CELSR3: variants seen among roughly 807,000 people sequenced by gnomAD.
The protein encoded by CELSR3 is cadherin EGF LAG seven-pass G-type receptor 3, also known as EGF-like protein 1.
In CELSR3, 73 loss-of-function variants were observed where a neutral mutation model predicts 270.0. The observed-to-expected ratio is 0.27, with a 90% CI of 0.22 to 0.33. The LOEUF is 0.33. CELSR3 is among the 10% of genes least tolerant of loss of function. CELSR3 has a pLI of 1.00. For synonymous variants in CELSR3, 1,780 were observed against 1,905.4 expected, an observed-to-expected ratio of 0.93 and a Z score of 1.71; for missense variants, 3,614 against 4,533.8, an observed-to-expected ratio of 0.80 and a Z score of 5.83.
rs937618050 is a variant in CELSR3 at position 48,659,893 on chromosome 3, T to C, written c.2742A>G (p.Thr914=). The change falls in exon 1 of 35, where the codon ACA becomes ACG. Residue 914 remains threonine, a synonymous_variant. Transcript: ENST00000164024. This position sits in a 1 kb window ranked among gnomAD's most constrained non-coding sequence, Gnocchi z 8.1. ...CCTCATAGTCTAATGGGGCCTGTAA[T>C]GTAATGGCTCCTGAGTCTGCATCAA... is the stretch of plus-strand genomic sequence containing the variant. ...FRIDADSGAI[T]LQAPLDYEDQ... 1 of 1,614,138 alleles carries C rather than the reference T, an allele frequency of 6.2e-7. No homozygotes were observed. Among genetic ancestry groups the C allele is most frequent in the Non-Finnish European group, 8.5e-7 (1 of 1,180,026 alleles).
Position 48,646,745 on chromosome 3 carries a change from G to A in CELSR3, c.7295+18C>T, listed in dbSNP as rs374109000. ...CTGAGAAGTTCGTAGGAAGCTCAGG[G>A]GTGAGGGGCCTGAGTACCTGGCACC... On this transcript the variant is annotated intron_variant, in intron 21 of 34. Coordinates refer to ENST00000164024, the MANE Select transcript of CELSR3 (RefSeq NM_001407.3). The surrounding 1 kb of genome is among the most constrained non-coding windows in gnomAD (Gnocchi z 4.8). 10 of 1,605,212 alleles carry A rather than the reference G, an allele frequency of 6.2e-6. No individual in the cohort carries two copies. Among genetic ancestry groups the A allele is most frequent in the Non-Finnish European group, 7.6e-6 (9 of 1,177,082 alleles).
Position 48,637,977 on chromosome 3 carries a change from G to A in CELSR3, c.*228C>T. 4.2e-6 allele frequency: 2 copies of A among 479,662 alleles called. No homozygotes were observed. Among genetic ancestry groups the A allele is most frequent in the South Asian group, 3.7e-5 (1 of 26,786 alleles). The allele number at this position is 479,662 out of a possible 1,614,324, so 29.7% of individuals were successfully genotyped here. A position where few individuals can be genotyped will look rare whatever the true frequency, so the allele number is the denominator to read the frequency against. ...ACATAAGCATCTCTCTGGTTACAAA[G>A]GTACAAAACGTATAAAAGTCTCCCT... On this transcript the variant is annotated 3_prime_UTR_variant, in exon 35 of 35. Coordinates refer to ENST00000164024, the MANE Select transcript of CELSR3 (RefSeq NM_001407.3).
At position 48,659,881 on chromosome 3, in the gene CELSR3, T is replaced by G; in HGVS notation, c.2754A>C (p.Pro918=). The change falls in exon 1 of 35, where the codon CCA becomes CCC. Residue 918 remains proline (P), a synonymous_variant. Transcript: ENST00000164024. This position sits in a 1 kb window ranked among gnomAD's most constrained non-coding sequence, Gnocchi z 8.1. ...AGGTCACCTGGTCCTCATAGTCTAA[T>G]GGGGCCTGTAATGTAATGGCTCCTG... is the stretch of plus-strand genomic sequence containing the variant. ...ADSGAITLQA[P]LDYEDQVTYT... 1.2e-6 allele frequency: 2 copies of G among 1,614,034 alleles called. No homozygotes were observed. The highest frequency in any genetic ancestry group is 1.7e-6 in the Non-Finnish European group (2 of 1,179,964).
rs772069878 is a variant in CELSR3, at chr3:48,639,999, T to C, written c.9586A>G (p.Arg3196Gly). Residue 3196 changes from arginine to glycine, a missense_variant, in exon 34 of 35, where the codon AGG becomes GGG. By Grantham distance (125) the Arg-to-Gly change is moderately radical. Coordinates refer to ENST00000164024, the MANE Select transcript of CELSR3 (RefSeq NM_001407.3). This position sits in a 1 kb window ranked among gnomAD's most constrained non-coding sequence, Gnocchi z 4.1. ...AGCTGCTCCCGAGAGTTCGAGCTCCTAGACAGAGAGTCCAGCGGCCGGGAT... is the reference window on the plus strand; with the variant it reads ...AGCTGCTCCCGAGAGTTCGAGCTCCCAGACAGAGAGTCCAGCGGCCGGGAT... Reference protein sequence around the residue: ...LPSRPLDSLSRSSNSREQLDQ... With the variant: ...LPSRPLDSLSGSSNSREQLDQ... 1.2e-6 allele frequency: 2 copies of C among 1,612,502 alleles called. No individual in the cohort carries two copies. Among genetic ancestry groups the C allele is most frequent in the Admixed American group, 3.3e-5 (2 of 59,996 alleles).
chr3:48,660,123 G>C lies in CELSR3; in HGVS notation c.2512C>G (p.Leu838Val). The C allele has an allele frequency of 6.2e-7, 1 of 1,614,164 alleles. No individual in the cohort carries two copies. Among genetic ancestry groups the C allele is most frequent in the Non-Finnish European group, 8.5e-7 (1 of 1,180,034 alleles). Residue 838 changes from leucine to valine, a missense_variant, in exon 1 of 35, where the codon CTT becomes GTT. Physicochemically the swap from Leu to Val is conservative, Grantham distance 32. This residue lies in a region of CELSR3 where 215 missense variants were observed against 241.2 expected (regional missense o/e 0.89). Coordinates refer to ENST00000164024, the MANE Select transcript of CELSR3 (RefSeq NM_001407.3). The surrounding 1 kb of genome is among the most constrained non-coding windows in gnomAD (Gnocchi z 5.5). ...ATGTGCACATAGCAGTGATCATGAAGGGCACGGTCAGATGCAGTTAGTACC... is the reference window on the plus strand; with the variant it reads ...ATGTGCACATAGCAGTGATCATGAACGGCACGGTCAGATGCAGTTAGTACC... ...KLVLTASDRA[L>V]HDHCYVHINI...
At position 48,656,127 on chromosome 3, in the gene CELSR3, G is replaced by A. The variant is rs1302120899; in HGVS notation, c.4625+13C>T. ...GCGGCGGGGAGGCGCTCAGACACGG[G>A]GCGGGCACCTACGAGAGGGACAGCG... On this transcript the variant is annotated intron_variant, in intron 3 of 34. Transcript: ENST00000164024. The A allele has an allele frequency of 6.5e-7, 1 of 1,533,832 alleles. No individual in the cohort carries two copies. Among genetic ancestry groups the A allele is most frequent in the African/African-American group, 1.4e-5 (1 of 72,978 alleles).
At chr3:48,643,157 C>T in intron 28 of CELSR3, 74 bp from the exon 29 acceptor site, 1 of 979,734 alleles carries the variant, frequency 1.0e-6, no homozygotes, top group Non-Finnish European at 1.6e-6. Flanking sequence ...TGTGGGTCAG[C>T]AATGGGGTCA....
intron 16 of CELSR3, 113 bp from the exon 17 acceptor site, chr3:48,649,328 T>C (rs781703718): frequency 8.0e-5 from 71 of 889,906 alleles, no homozygotes; most frequent in Admixed American, 1.1e-4. Flanking sequence ...GTCAGAGTCA[T>C]GAGCATCTAT....
rs1291161670 is a variant in CELSR3 at position 48,654,873 on chromosome 3, T to C, written c.4988+171A>G. Among the ~76,000 whole-genome samples, 1 of 149,014 alleles carries C rather than the reference T, an allele frequency of 6.7e-6. No homozygotes were observed. Among genetic ancestry groups the C allele is most frequent in the Non-Finnish European group, 1.5e-5 (1 of 67,210 alleles). On this transcript the variant is annotated intron_variant, in intron 6 of 34. Coordinates refer to ENST00000164024, the MANE Select transcript of CELSR3 (RefSeq NM_001407.3). This position sits in a 1 kb window ranked among gnomAD's most constrained non-coding sequence, Gnocchi z 5.4. ...AGGGAGTATGGGGTGGAATACAGGA[T>C]TGGGGGCTAGGGTGAGTAGGCTTTC...
At position 48,660,799 on chromosome 3, in the gene CELSR3, T is replaced by C. The variant is rs372195586; in HGVS notation, c.1836A>G (p.Ala612=). 2.4e-4 allele frequency: 387 copies of C among 1,614,134 alleles called. No homozygotes were observed. Among genetic ancestry groups the C allele is most frequent in the African/African-American group, 4.5e-4 (34 of 75,066 alleles). The change falls in exon 1 of 35, where the codon GCA becomes GCG. Residue 612 remains alanine (A), a synonymous_variant. Transcript: ENST00000164024. The surrounding 1 kb of genome is among the most constrained non-coding windows in gnomAD (Gnocchi z 5.5). ...TGATGCGCAAGGCATACTCTCTCTC[T>C]GCCTCGAAGTCCAGAGGTGCCACCA... ...IQVVAPLDFE[A]EREYALRIRA...
In CELSR3 at chr3:48,660,939, G is replaced by T; in HGVS notation, c.1696C>A (p.Arg566Ser). The change falls in exon 1 of 35, where the codon CGC (arginine) becomes AGC (serine). Residue 566 changes from arginine (R) to serine (S), a missense_variant. Coordinates refer to ENST00000164024, the MANE Select transcript of CELSR3 (RefSeq NM_001407.3). This position sits in a 1 kb window ranked among gnomAD's most constrained non-coding sequence, Gnocchi z 5.5. ...EDVRPHTVVL[R>S]VTATDRDKDA... is the part of the protein sequence containing the mutation. Reference sequence around the variant, plus strand: ...TTGTCCCGGTCAGTGGCCGTGACGCGCAGCACGACTGTGTGGGGGCGCACA... The same window carrying T: ...TTGTCCCGGTCAGTGGCCGTGACGCTCAGCACGACTGTGTGGGGGCGCACA... The T allele has an allele frequency of 6.2e-7, 1 of 1,613,916 alleles. No homozygotes were observed. Among genetic ancestry groups the T allele is most frequent in the Non-Finnish European group, 8.5e-7 (1 of 1,180,030 alleles).
rs1575542603 is a variant in CELSR3 at position 48,650,785 on chromosome 3, C to G, written c.6370+107G>C. 7.6e-7 allele frequency: 1 copy of G among 1,312,136 alleles called. No individual in the cohort carries two copies. 81.3% of individuals were successfully genotyped at this position (1,312,136 alleles called of 1,614,324 possible). A position where few individuals can be genotyped will look rare whatever the true frequency, so the allele number is the denominator to read the frequency against. On this transcript the variant is annotated intron_variant, in intron 15 of 34. Transcript: ENST00000164024. This position sits in a 1 kb window ranked among gnomAD's most constrained non-coding sequence, Gnocchi z 5.1. Reference sequence around the variant, plus strand: ...TTCCCTGGGTGTAAGTGGTCTCCCTCAGGAGAAGCTTCCAGAGTCCCCAAG... The same window carrying G: ...TTCCCTGGGTGTAAGTGGTCTCCCTGAGGAGAAGCTTCCAGAGTCCCCAAG...
In CELSR3 at chr3:48,647,902, G is replaced by A. The variant is rs1197020515; in HGVS notation, c.7068C>T (p.Ala2356=). The change falls in exon 20 of 35, where the codon GCC becomes GCT. Residue 2356 remains alanine, a synonymous_variant. Coordinates refer to ENST00000164024, the MANE Select transcript of CELSR3 (RefSeq NM_001407.3). ...YHSNLFRGQD[A]WDPHTHVLLP... ...GCAGCACATGGGTGTGAGGATCCCA[G>A]GCATCCTGGCCTCGAAAGAGGTTGC... 6.2e-7 allele frequency: 1 copy of A among 1,611,942 alleles called. No individual in the cohort carries two copies. Among genetic ancestry groups the A allele is most frequent in the Non-Finnish European group, 8.5e-7 (1 of 1,179,696 alleles).
chr3:48,652,632 T>G lies in CELSR3; in HGVS notation c.5635-79A>C. ...TCATAGCCCAGAGTCAGTCTTGGCC[T>G]TCTTCTAGCCCTTCTAGGCTGCCCC... On this transcript the variant is annotated intron_variant, in intron 10 of 34. Transcript: ENST00000164024. This position sits in a 1 kb window ranked among gnomAD's most constrained non-coding sequence, Gnocchi z 4.3. 1 of 1,150,378 alleles carries G rather than the reference T, an allele frequency of 8.7e-7. No homozygotes were observed. Among genetic ancestry groups the G allele is most frequent in the Non-Finnish European group, 1.2e-6 (1 of 807,832 alleles). The allele number at this position is 1,150,378 out of a possible 1,614,324, so 71.3% of individuals were successfully genotyped here.
chr3:48,651,203 A>C lies in CELSR3; in HGVS notation c.6187-128T>G. On this transcript the variant is annotated intron_variant, in intron 14 of 34. Transcript: ENST00000164024. This position sits in a 1 kb window ranked among gnomAD's most constrained non-coding sequence, Gnocchi z 7.4. The stretch of plus-strand genomic sequence containing the variant: ...GACACCTGGGTCATGCGTGAAGCCA[A>C]GGGAGGGGTCACGGGTAAAGGATGA... 6.9e-7 allele frequency: 1 copy of C among 1,443,740 alleles called. No individual in the cohort carries two copies. Among genetic ancestry groups the C allele is most frequent in the Non-Finnish European group, 9.5e-7 (1 of 1,050,998 alleles). 89.4% of individuals were successfully genotyped at this position (1,443,740 alleles called of 1,614,324 possible). A position where few individuals can be genotyped will look rare whatever the true frequency, so the allele number is the denominator to read the frequency against.
rs1324648532 is a variant in CELSR3, at chr3:48,662,060, C to T, written c.575G>A (p.Gly192Glu). The stretch of plus-strand genomic sequence containing the variant: ...GCCCACTCTTTTGCGGGAGCCTGTC[C>T]CAGCGTTCCGCTGGGAGGACACCGG... Reference protein sequence around the residue: ...PKPVSSQRNAGTGSRKRVGTA... With the variant: ...PKPVSSQRNAETGSRKRVGTA... Residue 192 changes from glycine to glutamate, a missense_variant, in exon 1 of 35, where the codon GGG becomes GAG. Gly to Glu is a moderately conservative substitution (Grantham distance 98). Transcript: ENST00000164024. The surrounding 1 kb of genome is among the most constrained non-coding windows in gnomAD (Gnocchi z 7.1). The T allele has an allele frequency of 1.2e-6, 2 of 1,614,108 alleles. No homozygotes were observed. The highest frequency in any genetic ancestry group is 1.1e-5 in the South Asian group (1 of 91,082).
chr3:48,654,514 G>C lies in CELSR3; in HGVS notation c.4989-62C>G. 1.4e-6 allele frequency: 2 copies of C among 1,442,114 alleles called. No homozygotes were observed. Among genetic ancestry groups the C allele is most frequent in the Non-Finnish European group, 1.9e-6 (2 of 1,068,090 alleles). The allele number at this position is 1,442,114 out of a possible 1,614,324, so 89.3% of individuals were successfully genotyped here. ...GGCCAGAGTAGAGTTGCTCCTGGGG[G>C]GCCACAGGAAGCAGGGGGGTAGGAC... is the stretch of plus-strand genomic sequence containing the variant. On this transcript the variant is annotated intron_variant, in intron 6 of 34. Transcript: ENST00000164024. This position sits in a 1 kb window ranked among gnomAD's most constrained non-coding sequence, Gnocchi z 5.4.
In CELSR3 at chr3:48,650,914, C is replaced by T; in HGVS notation, c.6348G>A (p.Glu2116=). 1.9e-6 allele frequency: 3 copies of T among 1,611,010 alleles called. No individual in the cohort carries two copies. The highest frequency in any genetic ancestry group is 2.5e-6 in the Non-Finnish European group (3 of 1,179,754). ...CACCCCGGCAGCCGCTGGCTGTCAC[C>T]TCTGCGAAGGGACTGTCACAGCTGT... ...QCNSCDSPFA[E]VTASGCRVLY... The change falls in exon 15 of 35, where the codon GAG becomes GAA. Residue 2116 remains glutamate, a synonymous_variant. Transcript: ENST00000164024. This position sits in a 1 kb window ranked among gnomAD's most constrained non-coding sequence, Gnocchi z 5.1.
Position 48,660,234 on chromosome 3 carries a change from G to T in CELSR3, c.2401C>A (p.Arg801Ser). Residue 801 changes from arginine to serine, a missense_variant, in exon 1 of 35, where the codon CGC becomes AGC. Physicochemically the swap from Arg to Ser is moderately radical, Grantham distance 110. This residue lies in a region of CELSR3 where 215 missense variants were observed against 241.2 expected (regional missense o/e 0.89). Coordinates refer to ENST00000164024, the MANE Select transcript of CELSR3 (RefSeq NM_001407.3). This position sits in a 1 kb window ranked among gnomAD's most constrained non-coding sequence, Gnocchi z 5.5. Reference sequence around the variant, plus strand: ...CCCCCCTGGGTGCTGATGGCAAAGCGATTCCGGGTGTTGCCGCCTGTGATC... The same window carrying T: ...CCCCCCTGGGTGCTGATGGCAAAGCTATTCCGGGTGTTGCCGCCTGTGATC... The part of the protein sequence containing the change: ...YQITGGNTRN[R>S]FAISTQGGVG... 6.2e-7 allele frequency: 1 copy of T among 1,614,146 alleles called. No homozygotes were observed. Among genetic ancestry groups the T allele is most frequent in the Non-Finnish European group, 8.5e-7 (1 of 1,180,032 alleles).
Sources: allele counts gnomAD v4.1 joint callset (sites outside exome capture counted in the v4.1 genomes callset), GRCh38; gene constraint gnomAD v4.1.1; regional missense constraint gnomAD v4.1.1; non-coding constraint Gnocchi (gnomAD v3.1); transcripts MANE v1.5; gene names NCBI Gene and HGNC (gene_info 2026-07-23, HGNC 2026-07-21).